KLHL1: variants seen among roughly 807,000 people sequenced by gnomAD.
KLHL1 encodes the protein kelch like family member 1.
KLHL1 carries 47 observed loss-of-function variants against 77.7 expected under a neutral mutation model. The observed-to-expected ratio is 0.60, with a 90% CI of 0.48 to 0.77. The LOEUF (loss-of-function observed/expected upper bound fraction) is 0.77. Among genes scored for constraint, KLHL1 ranks in the 30% least tolerant of loss-of-function variants. KLHL1 has a pLI of 0.00. For synonymous variants in KLHL1, 360 were observed against 325.2 expected (o/e 1.11, Z -1.15); for missense variants, 925 against 910.8 (o/e 1.02, Z -0.20).
At chr13:70,009,777 G>C in intron 1 of KLHL1, among the ~76,000 whole-genome samples, 1 of 152,048 alleles carries the variant, frequency 6.6e-6, no homozygotes, top group East Asian at 1.9e-4. Flanking sequence ...ATGCTACTAT[G>C]TGTCTAGATT....
intron 1 of KLHL1, among the ~76,000 whole-genome samples, chr13:69,981,673 A>C (rs2137299854): frequency 6.6e-6 from 1 of 152,128 alleles, no homozygotes; most frequent in Admixed American, 6.5e-5. Flanking sequence ...GGGAAATTGA[A>C]AATTTGTTAT....
chr13:69,797,662 CAA>C (rs377653781), intron 6 of KLHL1, among the ~76,000 whole-genome samples: 35,644 of 119,670 alleles, frequency 0.3, 4,440 homozygotes, highest in South Asian at 0.38. Flanking sequence ...ACTAAAAATA[CAA>C]AAAAAAAAAA....
At chr13:69,706,926 G>A (rs1875652926) in intron 10 of KLHL1, among the ~76,000 whole-genome samples, 2 of 151,806 alleles carry the variant, frequency 1.3e-5, no homozygotes, top group Admixed American at 6.6e-5. Flanking sequence ...TACAATGGGA[G>A]CTGCTTCATT....
At chr13:69,704,043 C>T (rs1182819884) in intron 10 of KLHL1, among the ~76,000 whole-genome samples, 1 of 151,528 alleles carries the variant, frequency 6.6e-6, no homozygotes, top group African/African-American at 2.4e-5. Context: ...CCAAAGGCTC[C>T]CTGATGTCCA....
At position 69,955,692 on chromosome 13, in the gene KLHL1, T is replaced by C. The variant is rs139784403; in HGVS notation, c.817+5616A>G. 4.2e-3 allele frequency among the ~76,000 whole-genome samples: 631 copies of C among 150,890 alleles called. 5 individuals carry two copies. The highest frequency in any genetic ancestry group is 0.014 in the African/African-American group (598 of 41,392). On this transcript the variant is annotated intron_variant, in intron 3 of 10. Transcript: ENST00000377844. ...TCAGTCTAAGAGCAACTTTAAAATA[T>C]AGTGAACCTCAGTGCATCCTTTCCA... is the stretch of plus-strand genomic sequence containing the variant.
At chr13:70,016,202 T>C (rs541156932) in intron 1 of KLHL1, among the ~76,000 whole-genome samples, 2 of 152,380 alleles carry the variant, frequency 1.3e-5, no homozygotes, top group South Asian at 2.1e-4. Context: ...TTCTCCAATT[T>C]AACCTAACTG....
chr13:69,912,652 T>G (rs1882276764), intron 4 of KLHL1, among the ~76,000 whole-genome samples: 1 of 152,170 alleles, frequency 6.6e-6, no homozygotes, highest in Admixed American at 6.5e-5. Context: ...AGCAGGTGGC[T>G]GAGTTTGTAA....
chr13:69,719,220 GAGAGA>G, intron 9 of KLHL1, 144 bp downstream of exon 9: 1 of 603,638 alleles, frequency 1.7e-6, no homozygotes, highest in African/African-American at 1.9e-5. Context: ...GAGAGAGAGA[GAGAGA>G]GAGAGAGAGA....
At position 69,791,789 on chromosome 13, in the gene KLHL1, CTTAAT is replaced by C. The variant is rs1392947952; in HGVS notation, c.1639+4944_1639+4948del. On this transcript the variant is annotated intron_variant, in intron 7 of 10. Transcript: ENST00000377844. Reference sequence around the variant, plus strand: ...ATAACTCAAAGCACGGATCATATTTCTTAATTTAAGACCTTAAATGTTTGAAATCT... The same window carrying C: ...ATAACTCAAAGCACGGATCATATTTCTTAAGACCTTAAATGTTTGAAATCT... Among the ~76,000 whole-genome samples, 11 of 152,256 alleles carry C rather than the reference CTTAAT, an allele frequency of 7.2e-5. No individual in the cohort carries two copies. In the South Asian group the frequency reaches 2.3e-3, roughly 32 times the overall value.
chr13:70,057,018 C>T (rs1037403178), intron 1 of KLHL1, among the ~76,000 whole-genome samples: 1 of 151,790 alleles, frequency 6.6e-6, no homozygotes, highest in Non-Finnish European at 1.5e-5. Flanking sequence ...TTGAAAAGTT[C>T]GTTGTGTGAA....
chr13:69,955,507 C>G (rs1326162628), intron 3 of KLHL1, among the ~76,000 whole-genome samples: 1 of 151,234 alleles, frequency 6.6e-6, no homozygotes, highest in Non-Finnish European at 1.5e-5. Context: ...TTGTGCTTAT[C>G]AGTTCTCTAC....
chr13:69,885,976 G>A (rs1881201398), intron 4 of KLHL1, among the ~76,000 whole-genome samples: 2 of 152,086 alleles, frequency 1.3e-5, no homozygotes, highest in African/African-American at 4.8e-5. Context: ...GACATAATCA[G>A]GGAGTATAGT....
At chr13:70,084,247 T>C (rs1180630752) in intron 1 of KLHL1, among the ~76,000 whole-genome samples, 2 of 152,068 alleles carry the variant, frequency 1.3e-5, no homozygotes, top group Non-Finnish European at 2.9e-5. Context: ...GTATCACCAA[T>C]TTCAGAACTG....
In KLHL1 at chr13:69,783,760, G is replaced by T. The variant is rs1345442406; in HGVS notation, c.1639+12978C>A. Among the ~76,000 whole-genome samples, 4 of 140,058 alleles carry T rather than the reference G, an allele frequency of 2.9e-5. 1 individual carries two copies. In the East Asian group the frequency reaches 6.0e-4, roughly 21 times the overall value. 91.9% of individuals were successfully genotyped at this position (140,058 alleles called of 152,430 possible). On this transcript the variant is annotated intron_variant, in intron 7 of 10. Coordinates refer to ENST00000377844, the MANE Select transcript of KLHL1 (RefSeq NM_020866.3). ...AACCAAGTTGGAAAACACTCTGCGG[G>T]ATATTATCCAGGAGAACTTCCCCAA...
intron 4 of KLHL1, among the ~76,000 whole-genome samples, chr13:69,919,759 C>G (rs1313537855): frequency 6.6e-6 from 1 of 152,120 alleles, no homozygotes; most frequent in Non-Finnish European, 1.5e-5. Context: ...CTGTTCTATA[C>G]TTGGCCCTGT....
chr13:69,743,795 A>G (rs1451169541), intron 7 of KLHL1, among the ~76,000 whole-genome samples: 1 of 143,766 alleles, frequency 7.0e-6, no homozygotes, highest in East Asian at 2.1e-4. Flanking sequence ...CAAAAAAAAC[A>G]CCAAAAAACA....
chr13:69,741,367 A>T (rs930607626), intron 7 of KLHL1, among the ~76,000 whole-genome samples: 3 of 152,192 alleles, frequency 2.0e-5, no homozygotes, highest in African/African-American at 7.2e-5. Context: ...AAAAGGGTAC[A>T]ATTTGAAGCC....
At position 69,791,439 on chromosome 13, in the gene KLHL1, T is replaced by A. The variant is rs188922735; in HGVS notation, c.1639+5299A>T. ...TAGAAATTGATAAACTGATCTTTTT[T>A]AAAAAAATATGGAAATACAAGGGAC... On this transcript the variant is annotated intron_variant, in intron 7 of 10. Coordinates refer to ENST00000377844, the MANE Select transcript of KLHL1 (RefSeq NM_020866.3). Among the ~76,000 whole-genome samples the A allele has an allele frequency of 6.3e-3, 963 of 152,076 alleles. 9 individuals are homozygous for A. The highest frequency in any genetic ancestry group is 0.021 in the African/African-American group (874 of 41,500).
chr13:69,834,295 AAT>A (rs145099020), intron 6 of KLHL1, among the ~76,000 whole-genome samples: 10,585 of 151,046 alleles, frequency 0.07, 570 homozygotes, highest in African/African-American at 0.15. Flanking sequence ...CAATTAGTTA[AAT>A]ATATATATAT....
Sources: gnomAD v4.1 joint callset for allele counts (sites outside exome capture counted in the v4.1 genomes callset) on GRCh38, gnomAD v4.1.1 for gene constraint, MANE v1.5 for transcripts, NCBI Gene and HGNC (gene_info 2026-07-23, HGNC 2026-07-21) for gene names.